The following KIAA0825 variants were observed in gnomAD, a reference collection of about 807,000 sequenced individuals.
KIAA0825 encodes KIAA0825, also known as uncharacterized protein KIAA0825.
Under a neutral mutation model 147.6 loss-of-function variants are expected in KIAA0825, and 119 were observed. The ratio of observed to expected loss-of-function variants is 0.81; its 90% CI spans 0.69 to 0.94. KIAA0825 has a LOEUF of 0.94. Ranked by LOEUF, KIAA0825 falls within the 40% of genes least tolerant of loss-of-function variation. The pLI is 0.00. For synonymous variants in KIAA0825, 470 were observed against 518.1 expected (o/e 0.91, Z 1.26); for missense variants, 1,381 against 1,472.7 (o/e 0.94, Z 1.02).
intron 20 of KIAA0825, among the ~76,000 whole-genome samples, chr5:94,192,246 T>C (rs1039853629): frequency 2.0e-5 from 3 of 152,208 alleles, no homozygotes; most frequent in African/African-American, 4.8e-5. Context: ...ACAGCATCAT[T>C]TTTTTCTATC....
At chr5:94,446,519 G>T (rs897101004) in intron 13 of KIAA0825, among the ~76,000 whole-genome samples, 2 of 152,162 alleles carry the variant, frequency 1.3e-5, no homozygotes, top group African/African-American at 4.8e-5. Flanking sequence ...GAAAGAGAAA[G>T]ACATTTTAGT....
In KIAA0825 at chr5:94,386,373, T is replaced by C. The variant is rs1386108514; in HGVS notation, c.3488A>G (p.Asn1163Ser). 2 of 1,550,756 alleles carry C rather than the reference T, an allele frequency of 1.3e-6. No homozygotes were observed. The highest frequency in any genetic ancestry group is 2.7e-5 in the African/African-American group (2 of 73,074). ...EYLKEQLFSM[N>S]SSEEKPLPIR... ...GGGTAATGGCTTTTCCTCTGAACTA[T>C]TCATAGAAAACAGCTGTTCTTTTAA... is the stretch of plus-strand genomic sequence containing the variant. Residue 1163 changes from asparagine (N) to serine (S), a missense_variant, in exon 19 of 21, where the codon AAT (asparagine) becomes AGT (serine). Asn to Ser is a conservative substitution (Grantham distance 46). Coordinates refer to ENST00000682413, the MANE Select transcript of KIAA0825 (RefSeq NM_001145678.3).
At chr5:94,521,710 A>C (rs1768244974) in intron 4 of KIAA0825, among the ~76,000 whole-genome samples, 1 of 151,644 alleles carries the variant, frequency 6.6e-6, no homozygotes. Context: ...AGGGACAAAA[A>C]ATTTACTTTT....
intron 10 of KIAA0825, among the ~76,000 whole-genome samples, chr5:94,466,703 C>G (rs1760561282): frequency 7.2e-6 from 1 of 138,220 alleles, no homozygotes; most frequent in Non-Finnish European, 1.5e-5. Context: ...TGCCACTGCA[C>G]TCCAGCCTGG....
intron 1 of KIAA0825, among the ~76,000 whole-genome samples, chr5:94,587,768 A>G (rs1783588215): frequency 6.6e-6 from 1 of 152,222 alleles, no homozygotes; most frequent in African/African-American, 2.4e-5. Context: ...ACAAAGCTAG[A>G]GGCATCATGC....
At chr5:94,416,358 G>C (rs1753461598) in intron 15 of KIAA0825, 1 of 152,112 alleles carries the variant, frequency 6.6e-6, no homozygotes, top group Non-Finnish European at 1.5e-5. Flanking sequence ...CCATGATTAT[G>C]AACTAGTTAG....
At chr5:94,168,866 C>G (rs1216362786) in intron 20 of KIAA0825, among the ~76,000 whole-genome samples, 1 of 152,094 alleles carries the variant, frequency 6.6e-6, no homozygotes, top group Non-Finnish European at 1.5e-5. Flanking sequence ...TTTTCATGGA[C>G]TATGCTCTAT....
chr5:94,372,596 C>G (rs1746874466), intron 20 of KIAA0825, among the ~76,000 whole-genome samples: 1 of 152,210 alleles, frequency 6.6e-6, no homozygotes, highest in South Asian at 2.1e-4. Context: ...ATGCAGGGCA[C>G]CATGTCCCAG....
In KIAA0825 at chr5:94,477,179, CCTCT is replaced by C. The variant is rs1383882365; in HGVS notation, c.1155_1158del (p.Glu386LeufsTer2). 1.3e-6 allele frequency: 2 copies of C among 1,549,862 alleles called. No homozygotes were observed. The highest frequency in any genetic ancestry group is 1.7e-6 in the Non-Finnish European group (2 of 1,146,364). On this transcript the variant is annotated frameshift_variant, in exon 7 of 21. Transcript: ENST00000682413. LOFTEE classifies it high-confidence loss of function. ...TTTGCTCTAGGTTTTTCCATTACAACCTCTCTATCGGATTTCTCCAAAATTCCTA... is the reference window on the plus strand; with the variant it reads ...TTTGCTCTAGGTTTTTCCATTACAACCTATCGGATTTCTCCAAAATTCCTA...
chr5:94,453,053 G>A lies in KIAA0825; in HGVS notation c.2263C>T (p.Leu755=), dbSNP rs1355338253. The part of the protein sequence containing the change: ...TELYKTFQHG[L]DESASDSLKS... ...AAGGAATCTGAAGCAGACTCATCCA[G>A]GCCATGCTGAAAAGTCCTAGGGAAA... The change falls in exon 13 of 21, where the codon CTG becomes TTG. Residue 755 remains leucine, a synonymous_variant. Coordinates refer to ENST00000682413, the MANE Select transcript of KIAA0825 (RefSeq NM_001145678.3). The A allele has an allele frequency of 1.3e-6, 2 of 1,519,172 alleles. No individual in the cohort carries two copies. Among genetic ancestry groups the A allele is most frequent in the East Asian group, 2.6e-5 (1 of 38,806 alleles). 94.1% of individuals were successfully genotyped at this position (1,519,172 alleles called of 1,614,324 possible).
intron 20 of KIAA0825, among the ~76,000 whole-genome samples, chr5:94,335,084 T>A (rs7715295): frequency 6.6e-6 from 1 of 152,192 alleles, no homozygotes; most frequent in Non-Finnish European, 1.5e-5. Flanking sequence ...CAGATTTTTT[T>A]ATGTGTTTAA....
intron 20 of KIAA0825, among the ~76,000 whole-genome samples, chr5:94,198,403 G>C (rs989993170): frequency 2.0e-5 from 3 of 152,014 alleles, no homozygotes; most frequent in African/African-American, 7.3e-5. Context: ...TCTGCAAAGA[G>C]AGAGAGTTTA....
At chr5:94,567,984 C>G (rs116664234) in intron 2 of KIAA0825, 2,001 of 159,944 alleles carry the variant, frequency 0.013, 44 homozygotes, top group African/African-American at 0.045. Context: ...GCCACCACCA[C>G]CCTGTTCGCA....
At chr5:94,345,058 C>A (rs1032134773) in intron 20 of KIAA0825, among the ~76,000 whole-genome samples, 2 of 151,580 alleles carry the variant, frequency 1.3e-5, no homozygotes, top group African/African-American at 4.9e-5. Context: ...TTAAATGGTA[C>A]ATTTTATGTA....
At chr5:94,603,284 G>T (rs1786851419) in intron 1 of KIAA0825, among the ~76,000 whole-genome samples, 1 of 152,132 alleles carries the variant, frequency 6.6e-6, no homozygotes, top group South Asian at 2.1e-4. Context: ...CATTCTTAAA[G>T]AAAAGCAATT....
intron 20 of KIAA0825, among the ~76,000 whole-genome samples, chr5:94,281,808 C>G (rs572692115): frequency 6.6e-6 from 1 of 152,206 alleles, no homozygotes; most frequent in Admixed American, 6.5e-5. Context: ...TTCCCCGTTC[C>G]CTACTGAGTC....
At chr5:94,359,405 T>C (rs1744746455) in intron 20 of KIAA0825, among the ~76,000 whole-genome samples, 2 of 152,170 alleles carry the variant, frequency 1.3e-5, no homozygotes, top group African/African-American at 4.8e-5. Flanking sequence ...TCAAATTAAG[T>C]TGAAAAATGA....
chr5:94,382,838 A>G (rs1562440790), intron 20 of KIAA0825, among the ~76,000 whole-genome samples: 1 of 152,266 alleles, frequency 6.6e-6, no homozygotes, highest in Non-Finnish European at 1.5e-5. Context: ...AAATGTAGTA[A>G]GTTTTGAAGG....
intron 12 of KIAA0825, among the ~76,000 whole-genome samples, chr5:94,459,652 G>A (rs901504705): frequency 1.2e-4 from 19 of 152,116 alleles, no homozygotes; most frequent in Non-Finnish European, 2.2e-4. Flanking sequence ...CCTTGGCTTA[G>A]TGATCTACCT....
Sources: gnomAD v4.1 joint callset for allele counts (sites outside exome capture counted in the v4.1 genomes callset) on GRCh38, gnomAD v4.1.1 for gene constraint, MANE v1.5 for transcripts, NCBI Gene and HGNC (gene_info 2026-07-23, HGNC 2026-07-21) for gene names.